PRKAR1B: variants seen among roughly 807,000 people sequenced by gnomAD.
PRKAR1B encodes the protein protein kinase cAMP-dependent type I regulatory subunit beta, also known as cAMP-dependent protein kinase type I-beta regulatory subunit.
In PRKAR1B, 22 loss-of-function variants were observed where a neutral mutation model predicts 46.5. The observed-to-expected ratio is 0.47, with a 90% CI of 0.34 to 0.68. The LOEUF (loss-of-function observed/expected upper bound fraction) is 0.68, where lower values mean the gene tolerates loss of function less well. PRKAR1B is among the 30% of genes least tolerant of loss of function. The pLI is 0.01. For synonymous variants in PRKAR1B, 259 were observed against 217.7 expected (o/e 1.19, Z -1.67); for missense variants, 445 against 535.6 (o/e 0.83, Z 1.67).
chr7:623,280 T>TC (rs1783207788), intron 4 of PRKAR1B, among the ~76,000 whole-genome samples: 3 of 152,100 alleles, frequency 2.0e-5, no homozygotes, highest in Admixed American at 2.0e-4. Flanking sequence ...TGTTCTCAAA[T>TC]CCCCTGGGAC....
chr7:606,437 G>A (rs1782059176), intron 5 of PRKAR1B, among the ~76,000 whole-genome samples, 198 bp from the exon 6 acceptor site: 1 of 152,154 alleles, frequency 6.6e-6, no homozygotes, highest in Non-Finnish European at 1.5e-5. Context: ...AGTTTCATTA[G>A]TGAACTTTCT....
rs2128425297 is a variant in PRKAR1B, at chr7:560,896, G to A, written c.892-9426C>T. On this transcript the variant is annotated intron_variant, in intron 9 of 10. Coordinates refer to ENST00000537384, the MANE Select transcript of PRKAR1B (RefSeq NM_001164760.2). The surrounding 1 kb of genome is among the most constrained non-coding windows in gnomAD (Gnocchi z 4.2). Reference sequence around the variant, plus strand: ...GGGCCACGACACGTTCCTCCCTCCAGTGAGACTCCTCAGAGCCTGGAAAAT... The same window carrying A: ...GGGCCACGACACGTTCCTCCCTCCAATGAGACTCCTCAGAGCCTGGAAAAT... Among the ~76,000 whole-genome samples the A allele has an allele frequency of 6.6e-6, 1 of 152,296 alleles. No individual in the cohort carries two copies. The highest frequency in any genetic ancestry group is 3.4e-3 in the Middle Eastern group (1 of 294).
Position 677,254 on chromosome 7 carries a change from C to T in PRKAR1B, c.415G>A (p.Ala139Thr), listed in dbSNP as rs185641179. ...CTCCTCTCGTTGTCATCCAGGTGAG[C>T]GAAGAGCACGTTCTTGGAGATGGCC... Reference protein sequence around the residue: ...AKAISKNVLFAHLDDNERSDI... With the variant: ...AKAISKNVLFTHLDDNERSDI... Residue 139 changes from alanine to threonine, a missense_variant, in exon 4 of 11, where the codon GCT becomes ACT. Around this residue, in one of 5 missense-constraint regions of PRKAR1B, gnomAD observed 94 missense variants for 126.9 expected, o/e 0.74. Transcript: ENST00000537384. 131 of 1,614,080 alleles carry T rather than the reference C, an allele frequency of 8.1e-5. No homozygotes were observed. Among genetic ancestry groups the T allele is most frequent in the Non-Finnish European group, 1.1e-4 (125 of 1,180,036 alleles).
chr7:641,971 C>A (rs370547885), intron 4 of PRKAR1B, among the ~76,000 whole-genome samples: 2 of 152,118 alleles, frequency 1.3e-5, no homozygotes, highest in East Asian at 3.9e-4. Context: ...TGGCACAATC[C>A]AGCTCACTGC....
Position 550,098 on chromosome 7 carries a change from C to A in PRKAR1B, c.*332G>T. On this transcript the variant is annotated 3_prime_UTR_variant, in exon 11 of 11. Coordinates refer to ENST00000537384, the MANE Select transcript of PRKAR1B (RefSeq NM_001164760.2). ...GTCCTGGCCTGGTTCTGGGGAGGAC[C>A]GATCCTCAAGCATCTCCAGGAGACT... 7 of 333,650 alleles carry A rather than the reference C, an allele frequency of 2.1e-5. No individual in the cohort carries two copies. Among genetic ancestry groups the A allele is most frequent in the South Asian group, 1.1e-4 (4 of 36,108 alleles). The allele number at this position is 333,650 out of a possible 1,614,324, so 20.7% of individuals were successfully genotyped here.
chr7:579,167 G>A, intron 9 of PRKAR1B, 89 bp downstream of exon 9: 1 of 1,605,056 alleles, frequency 6.2e-7, no homozygotes, highest in Non-Finnish European at 8.5e-7. Context: ...TCCAGAGGGA[G>A]GGTGAGGCGG....
At chr7:690,788 T>TA (rs142373589) in intron 2 of PRKAR1B, among the ~76,000 whole-genome samples, 1,759 of 150,688 alleles carry the variant, frequency 0.012, 26 homozygotes, top group East Asian at 0.058. Flanking sequence ...CCTGGGGCTG[T>TA]AAAAAAAAAC....
intron 4 of PRKAR1B, among the ~76,000 whole-genome samples, chr7:652,591 A>T (rs1021834908): frequency 6.6e-6 from 1 of 152,248 alleles, no homozygotes; most frequent in Non-Finnish European, 1.5e-5. Context: ...CTTGGAAGAC[A>T]GTTCACGCTC....
At chr7:621,519 C>T (rs1783107692) in intron 4 of PRKAR1B, among the ~76,000 whole-genome samples, 1 of 152,236 alleles carries the variant, frequency 6.6e-6, no homozygotes, top group Non-Finnish European at 1.5e-5. Context: ...AGGAGCATGA[C>T]CATCTCCAAT....
intron 7 of PRKAR1B, among the ~76,000 whole-genome samples, chr7:591,582 G>GCT (rs1269942069): frequency 2.6e-5 from 4 of 152,230 alleles, no homozygotes; most frequent in African/African-American, 9.6e-5. Context: ...AGGTGCAGCA[G>GCT]CTCACGCCTA....
intron 9 of PRKAR1B, among the ~76,000 whole-genome samples, chr7:561,570 G>A (rs575901479): frequency 5.3e-5 from 8 of 152,262 alleles, no homozygotes; most frequent in Admixed American, 1.3e-4. Flanking sequence ...CGTTTGTTTC[G>A]GGAGGCTGAG....
chr7:694,692 G>A (rs983554169), intron 2 of PRKAR1B, among the ~76,000 whole-genome samples: 8 of 152,066 alleles, frequency 5.3e-5, no homozygotes, highest in Middle Eastern at 3.2e-3. Flanking sequence ...TGTCTTGCAC[G>A]AGTTCGTTAC....
intron 2 of PRKAR1B, among the ~76,000 whole-genome samples, chr7:684,447 A>G (rs1311839748): frequency 6.6e-6 from 1 of 152,206 alleles, no homozygotes; most frequent in East Asian, 1.9e-4. Context: ...CATCTACCAC[A>G]ATGACCAGAA....
In PRKAR1B at chr7:677,328, G is replaced by A. The variant is rs1484422974; in HGVS notation, c.349-8C>T. 9.9e-6 allele frequency: 16 copies of A among 1,613,888 alleles called. No homozygotes were observed. Among genetic ancestry groups the A allele is most frequent in the African/African-American group, 4.0e-5 (3 of 74,942 alleles). ...GTAGTCCTTGGGAATCACCTGAAGCGGAGCCAACACATCACCGTGTGAGCC... is the reference window on the plus strand; with the variant it reads ...GTAGTCCTTGGGAATCACCTGAAGCAGAGCCAACACATCACCGTGTGAGCC... On this transcript the variant is annotated splice_region_variant and splice_polypyrimidine_tract_variant and intron_variant, in intron 3 of 10. Transcript: ENST00000537384.
chr7:622,600 G>T (rs1479868369), intron 4 of PRKAR1B, among the ~76,000 whole-genome samples: 2 of 152,038 alleles, frequency 1.3e-5, no homozygotes, highest in East Asian at 3.9e-4. Flanking sequence ...GGATGGAAGG[G>T]GGATGTCAGA....
At chr7:696,208 C>T (rs952623638) in intron 2 of PRKAR1B, among the ~76,000 whole-genome samples, 12 of 151,952 alleles carry the variant, frequency 7.9e-5, no homozygotes, top group Non-Finnish European at 1.8e-4. Context: ...AGCGATCCTC[C>T]TGTCTTGACC....
At chr7:668,453 A>G (rs1786054247) in intron 4 of PRKAR1B, among the ~76,000 whole-genome samples, 1 of 152,224 alleles carries the variant, frequency 6.6e-6, no homozygotes, top group Non-Finnish European at 1.5e-5. Flanking sequence ...CGTGGCCAGA[A>G]AAAGGAGCCC....
intron 2 of PRKAR1B, among the ~76,000 whole-genome samples, chr7:686,166 T>C (rs1779085157): frequency 6.6e-6 from 1 of 152,042 alleles, no homozygotes; most frequent in South Asian, 2.1e-4. Flanking sequence ...CTGGGCGTGG[T>C]GGTGGGCACC....
rs565868620 is a variant in PRKAR1B at position 686,528 on chromosome 7, C to T, written c.178-5802G>A. Among the ~76,000 whole-genome samples the T allele has an allele frequency of 2.7e-3, 415 of 152,100 alleles. 2 individuals carry two copies. Among genetic ancestry groups the T allele is most frequent in the African/African-American group, 9.7e-3 (401 of 41,488 alleles). On this transcript the variant is annotated intron_variant, in intron 2 of 10. Coordinates refer to ENST00000537384, the MANE Select transcript of PRKAR1B (RefSeq NM_001164760.2). The stretch of plus-strand genomic sequence containing the variant: ...GTTATTATTTACTACCACTCTGACC[C>T]AAGCCAGCATTCATCTCTCATCTAG...
Sources: allele counts gnomAD v4.1 joint callset (sites outside exome capture counted in the v4.1 genomes callset), GRCh38; gene constraint gnomAD v4.1.1; regional missense constraint gnomAD v4.1.1; non-coding constraint Gnocchi (gnomAD v3.1); transcripts MANE v1.5; gene names NCBI Gene and HGNC (gene_info 2026-07-23, HGNC 2026-07-21).